BNC2: variants seen among roughly 807,000 people sequenced by gnomAD.
BNC2 encodes the protein zinc finger protein basonuclin-2.
A neutral mutation model predicts 76.3 loss-of-function variants in BNC2; 20 were observed. The observed-to-expected ratio is 0.26, with a 90% confidence interval of 0.18 to 0.38. The LOEUF (loss-of-function observed/expected upper bound fraction) is 0.38. Ranked by LOEUF, BNC2 falls within the 10% of genes least tolerant of loss-of-function variation. The pLI, the probability that BNC2 is intolerant of heterozygous loss-of-function variation, is 1.00. For missense variants in BNC2, 1,382 were observed against 1,399.8 expected (o/e 0.99, Z 0.20); for synonymous variants, 582 against 514.8 (o/e 1.13, Z -1.77).
intron 2 of BNC2, among the ~76,000 whole-genome samples, chr9:16,737,709 T>C (rs991245818): frequency 1.3e-5 from 2 of 152,128 alleles, no homozygotes; most frequent in Non-Finnish European, 2.9e-5. Flanking sequence ...AACTTAGAGA[T>C]TGTTTTCCAA....
At chr9:16,456,579 G>A (rs1821454282) in intron 5 of BNC2, among the ~76,000 whole-genome samples, 1 of 151,462 alleles carries the variant, frequency 6.6e-6, no homozygotes, top group Non-Finnish European at 1.5e-5. Context: ...AAGAGCAGCA[G>A]GTAAAGTCAC....
chr9:16,749,789 G>T (rs1432651711), intron 1 of BNC2, among the ~76,000 whole-genome samples: 1 of 152,038 alleles, frequency 6.6e-6, no homozygotes, highest in Non-Finnish European at 1.5e-5. Context: ...CATGAGATTA[G>T]AAAGCGTATA....
intron 3 of BNC2, among the ~76,000 whole-genome samples, chr9:16,656,243 G>A (rs568290175): frequency 3.9e-5 from 6 of 152,288 alleles, no homozygotes; most frequent in Middle Eastern, 3.4e-3. Context: ...ATTCTACCTC[G>A]AGAATGGAGG....
intron 1 of BNC2, among the ~76,000 whole-genome samples, chr9:16,779,154 A>G (rs569920087): frequency 2.0e-5 from 3 of 151,050 alleles, no homozygotes; most frequent in Non-Finnish European, 4.4e-5. Flanking sequence ...AGAAAAAAAA[A>G]CCAGCCAAGC....
chr9:16,710,136 A>C (rs976953163), intron 3 of BNC2, among the ~76,000 whole-genome samples: 4 of 148,220 alleles, frequency 2.7e-5, no homozygotes, highest in Non-Finnish European at 6.1e-5. Context: ...AAAAAAAAAA[A>C]GTTACTTCAC....
At chr9:16,766,355 G>A (rs1008877520) in intron 1 of BNC2, among the ~76,000 whole-genome samples, 3 of 152,106 alleles carry the variant, frequency 2.0e-5, no homozygotes, top group Non-Finnish European at 2.9e-5. Flanking sequence ...CTCTGAACAC[G>A]AAGAGCATTC....
intron 1 of BNC2, among the ~76,000 whole-genome samples, chr9:16,861,031 C>CT (rs1423530780): frequency 1.3e-5 from 1 of 74,608 alleles, no homozygotes; most frequent in Non-Finnish European, 3.4e-5. Context: ...GAGCAAGACT[C>CT]TGTCTCAAAA....
chr9:16,462,628 TTTATC>T (rs1469796807), intron 5 of BNC2, among the ~76,000 whole-genome samples: 2 of 152,200 alleles, frequency 1.3e-5, no homozygotes, highest in South Asian at 2.1e-4. Context: ...TGTAGGATAC[TTTATC>T]AAGTTTCTTC....
chr9:16,622,791 G>A (rs924985979), intron 3 of BNC2, among the ~76,000 whole-genome samples: 2 of 152,090 alleles, frequency 1.3e-5, no homozygotes, highest in Non-Finnish European at 2.9e-5. Flanking sequence ...AACTGGCAGT[G>A]TTAGGTAATT....
intron 3 of BNC2, among the ~76,000 whole-genome samples, chr9:16,665,490 G>GAAAGAAAGAA (rs755965243): frequency 2.8e-4 from 38 of 137,952 alleles, no homozygotes; most frequent in East Asian, 1.5e-3. Context: ...AAGAAAGAAA[G>GAAAGAAAGAA]AGAGAGAGAG....
intron 5 of BNC2, among the ~76,000 whole-genome samples, chr9:16,469,483 C>T (rs918871670): frequency 1.7e-4 from 26 of 152,212 alleles, no homozygotes; most frequent in Non-Finnish European, 3.5e-4. Context: ...GATTCTGAGG[C>T]CTCCTTAGCC....
intron 5 of BNC2, among the ~76,000 whole-genome samples, chr9:16,442,499 A>T (rs1334748350): frequency 6.6e-6 from 1 of 152,224 alleles, no homozygotes; most frequent in African/African-American, 2.4e-5. Flanking sequence ...AAAGCACTTC[A>T]ATGATTTATA....
At chr9:16,546,375 C>A (rs1029344384) in intron 5 of BNC2, among the ~76,000 whole-genome samples, 6 of 152,196 alleles carry the variant, frequency 3.9e-5, no homozygotes, top group African/African-American at 1.2e-4. Context: ...CTTTTGCCAT[C>A]CAACTTGAAA....
intron 1 of BNC2, among the ~76,000 whole-genome samples, chr9:16,758,773 T>C (rs1455520626): frequency 6.6e-6 from 1 of 152,194 alleles, no homozygotes; most frequent in Non-Finnish European, 1.5e-5. Context: ...GCATTTCTAA[T>C]TATCTGGTAT....
At chr9:16,540,044 A>G (rs374630748) in intron 5 of BNC2, among the ~76,000 whole-genome samples, 1 of 152,048 alleles carries the variant, frequency 6.6e-6, no homozygotes, top group Non-Finnish European at 1.5e-5. Flanking sequence ...CACCTCCCAA[A>G]GTTTTAACCA....
At chr9:16,657,964 T>C (rs1346485392) in intron 3 of BNC2, among the ~76,000 whole-genome samples, 2 of 152,162 alleles carry the variant, frequency 1.3e-5, no homozygotes, top group Non-Finnish European at 2.9e-5. Flanking sequence ...GTTTAATATA[T>C]GTAATAATAC....
chr9:16,695,887 T>C (rs1027383784), intron 3 of BNC2, among the ~76,000 whole-genome samples: 9 of 152,192 alleles, frequency 5.9e-5, no homozygotes, highest in African/African-American at 1.7e-4. Context: ...ACTGGTCTCC[T>C]TTCTTTACTA....
At position 16,417,396 on chromosome 9, in the gene BNC2, T is replaced by C. The variant is rs1379856134; in HGVS notation, c.*1593A>G. 2.0e-5 allele frequency: 3 copies of C among 152,282 alleles called. No homozygotes were observed. The highest frequency in any genetic ancestry group is 7.2e-5 in the African/African-American group (3 of 41,456). The allele number at this position is 152,282 out of a possible 1,614,324, so 9.4% of individuals were successfully genotyped here. Reference sequence around the variant, plus strand: ...GCTTGGTTTCAGGCTTGCTTTCATTTCTCTCTGACAAATCGTGTGGGGAAA... The same window carrying C: ...GCTTGGTTTCAGGCTTGCTTTCATTCCTCTCTGACAAATCGTGTGGGGAAA... On this transcript the variant is annotated 3_prime_UTR_variant, in exon 7 of 7. Coordinates refer to ENST00000380672, the MANE Select transcript of BNC2 (RefSeq NM_017637.6).
intron 1 of BNC2, among the ~76,000 whole-genome samples, chr9:16,810,119 C>A (rs914140712): frequency 1.3e-4 from 20 of 152,216 alleles, no homozygotes; most frequent in African/African-American, 3.4e-4. Context: ...AAATGTAAAG[C>A]CACTAAGGTA....
Sources: allele counts gnomAD v4.1 joint callset (sites outside exome capture counted in the v4.1 genomes callset), GRCh38; gene constraint gnomAD v4.1.1; transcripts MANE v1.5; gene names NCBI Gene and HGNC (gene_info 2026-07-23, HGNC 2026-07-21).